RPH3A: variants seen among roughly 807,000 people sequenced by gnomAD.
The protein encoded by RPH3A is rabphilin-3A.
Under a neutral mutation model 102.2 loss-of-function variants are expected in RPH3A, and 48 were observed. The ratio of observed to expected loss-of-function variants is 0.47; its 90% CI spans 0.37 to 0.60. The LOEUF (loss-of-function observed/expected upper bound fraction) is 0.60, where lower values mean the gene tolerates loss of function less well. Among genes scored for constraint, RPH3A ranks in the 20% least tolerant of loss-of-function variants. The pLI is 0.00. For synonymous variants in RPH3A, 310 were observed against 324.3 expected (o/e 0.96, Z 0.47); for missense variants, 781 against 910.1 (o/e 0.86, Z 1.83).
rs1372107619 is a variant in RPH3A at position 112,791,902 on chromosome 12, G to GAGAGAGAGAGAGAGAC, written c.-247_-246insGAGAGAGAGAGACAGA. 16 of 150,992 alleles carry GAGAGAGAGAGAGAGAC rather than the reference G, an allele frequency of 1.1e-4. No homozygotes were observed. Among genetic ancestry groups the GAGAGAGAGAGAGAGAC allele is most frequent in the African/African-American group, 3.7e-4 (15 of 40,686 alleles). The allele number at this position is 150,992 out of a possible 1,614,324, so 9.4% of individuals were successfully genotyped here. ...AGAGAGAGAGAGAGAGAGAGAGAGA[G>GAGAGAGAGAGAGAGAC]AGACTCACAGAGCTAAAACCTTCAT... is the stretch of plus-strand genomic sequence containing the variant. On this transcript the variant is annotated 5_prime_UTR_variant, in exon 1 of 22. Coordinates refer to ENST00000389385, the MANE Select transcript of RPH3A (RefSeq NM_001143854.2).
At chr12:112,852,119 G>A (rs2042333325) in intron 5 of RPH3A, among the ~76,000 whole-genome samples, 2 of 152,188 alleles carry the variant, frequency 1.3e-5, no homozygotes, top group East Asian at 3.9e-4. Context: ...GCTGGAAGGT[G>A]CAAGAAAGCT....
intron 2 of RPH3A, among the ~76,000 whole-genome samples, chr12:112,805,460 T>C (rs1237378177): frequency 2.6e-5 from 4 of 152,204 alleles, no homozygotes; most frequent in Non-Finnish European, 4.4e-5. Context: ...GGGAGGAGGA[T>C]GAATCCTCTT....
At chr12:112,769,509 T>C (rs1298271232) in intron 1 of RPH3A, among the ~76,000 whole-genome samples, 1 of 152,248 alleles carries the variant, frequency 6.6e-6, no homozygotes, top group Non-Finnish European at 1.5e-5. Flanking sequence ...TAGCTAACCT[T>C]GTAGAGATCT....
intron 1 of RPH3A, among the ~76,000 whole-genome samples, chr12:112,647,385 T>C (rs933197206): frequency 1.3e-5 from 2 of 152,198 alleles, no homozygotes; most frequent in African/African-American, 2.4e-5. Context: ...CTTCCTAAGA[T>C]GGTTATATTT....
intron 14 of RPH3A, 139 bp from the exon 15 acceptor site, chr12:112,881,633 C>T: frequency 1.8e-6 from 1 of 568,394 alleles, no homozygotes; most frequent in South Asian, 2.9e-5. Flanking sequence ...ACTGCATTTC[C>T]CTTCTCTCTC....
chr12:112,620,385 C>T (rs2039713521), intron 1 of RPH3A, among the ~76,000 whole-genome samples: 1 of 152,162 alleles, frequency 6.6e-6, no homozygotes, highest in Non-Finnish European at 1.5e-5. Context: ...TACAAATGCT[C>T]ATTATACTCA....
chr12:112,784,092 C>T (rs575069884), intron 1 of RPH3A, among the ~76,000 whole-genome samples: 37 of 152,250 alleles, frequency 2.4e-4, no homozygotes, highest in Middle Eastern at 3.4e-3. Context: ...CATTCATTTT[C>T]CATCAGAGCT....
intron 1 of RPH3A, among the ~76,000 whole-genome samples, chr12:112,749,305 CAATGT>C (rs1023398042): frequency 6.6e-6 from 1 of 152,150 alleles, no homozygotes; most frequent in African/African-American, 2.4e-5. Flanking sequence ...TGTGGGCAGA[CAATGT>C]AGTGGGATGA....
chr12:112,865,440 T>A lies in RPH3A; in HGVS notation c.257T>A (p.Met86Lys). The A allele has an allele frequency of 6.2e-7, 1 of 1,613,916 alleles. No individual in the cohort carries two copies. Among genetic ancestry groups the A allele is most frequent in the Non-Finnish European group, 8.5e-7 (1 of 1,179,928 alleles). Residue 86 changes from methionine (M) to lysine (K), a missense_variant, in exon 6 of 22, where the codon ATG becomes AAG. Met to Lys is a moderately conservative substitution (Grantham distance 95). This residue lies in a region of RPH3A where 730 missense variants were observed against 810.0 expected (regional missense o/e 0.90). Transcript: ENST00000389385. ...CGCCTGGTGGACCGCCTAGAAAACA[T>A]GAGGAAGAACGTGGCTGGAGATGGG... ...IGRLVDRLEN[M>K]RKNVAGDGVN...
At chr12:112,776,463 C>G (rs2040966091) in intron 1 of RPH3A, among the ~76,000 whole-genome samples, 1 of 152,092 alleles carries the variant, frequency 6.6e-6, no homozygotes, top group African/African-American at 2.4e-5. Context: ...TAAGATGGCC[C>G]TGGTTAGGAA....
chr12:112,754,171 G>T (rs540097573), intron 1 of RPH3A, among the ~76,000 whole-genome samples: 1 of 152,350 alleles, frequency 6.6e-6, no homozygotes, highest in East Asian at 1.9e-4. Flanking sequence ...TATAGCAGAA[G>T]TAGGAAATTA....
intron 1 of RPH3A, among the ~76,000 whole-genome samples, chr12:112,591,980 A>G (rs889581877): frequency 6.6e-6 from 1 of 152,202 alleles, no homozygotes; most frequent in African/African-American, 2.4e-5. Context: ...AGAATGGTGT[A>G]GTATTCGCAT....
intron 13 of RPH3A, among the ~76,000 whole-genome samples, chr12:112,877,444 A>G (rs2042826471): frequency 6.6e-6 from 1 of 151,836 alleles, no homozygotes; most frequent in South Asian, 2.1e-4. Flanking sequence ...ACACACACAC[A>G]CACACACACA....
chr12:112,616,388 C>T (rs1171651839), intron 1 of RPH3A, among the ~76,000 whole-genome samples: 3 of 152,150 alleles, frequency 2.0e-5, no homozygotes, highest in Non-Finnish European at 2.9e-5. Flanking sequence ...CTCAAGTGAT[C>T]CTCCTGCCTC....
chr12:112,865,641 G>A (rs1323983128), intron 6 of RPH3A, 98 bp downstream of exon 6: 1 of 1,336,172 alleles, frequency 7.5e-7, no homozygotes, highest in African/African-American at 1.6e-5. Context: ...TGGGGGTGGA[G>A]CTTGGATCCT....
intron 1 of RPH3A, among the ~76,000 whole-genome samples, chr12:112,636,492 C>T (rs1467742958): frequency 6.6e-6 from 1 of 152,076 alleles, no homozygotes; most frequent in South Asian, 2.1e-4. Context: ...TTCATGATGG[C>T]TAGGGAACAT....
chr12:112,697,180 A>C (rs1203534112), intron 1 of RPH3A, among the ~76,000 whole-genome samples: 1 of 152,176 alleles, frequency 6.6e-6, no homozygotes, highest in African/African-American at 2.4e-5. Flanking sequence ...GGAAGAAATA[A>C]AACTGTATTT....
At chr12:112,727,502 C>A (rs7134315) in intron 1 of RPH3A, among the ~76,000 whole-genome samples, 1,244 of 96,640 alleles carry the variant, frequency 0.013, 79 homozygotes, top group African/African-American at 0.033. Context: ...GACCCCCCCC[C>A]CCCACACACA....
At chr12:112,771,459 C>A (rs2040927142) in intron 1 of RPH3A, among the ~76,000 whole-genome samples, 1 of 152,140 alleles carries the variant, frequency 6.6e-6, no homozygotes, top group African/African-American at 2.4e-5. Flanking sequence ...TACCCAGTCC[C>A]CTTTAGATGG....
Sources: gnomAD v4.1 joint callset for allele counts (sites outside exome capture counted in the v4.1 genomes callset) on GRCh38, gnomAD v4.1.1 for gene constraint, gnomAD v4.1.1 regional missense constraint, MANE v1.5 for transcripts, NCBI Gene and HGNC (gene_info 2026-07-23, HGNC 2026-07-21) for gene names.